RBFOX1: variants seen among roughly 807,000 people sequenced by gnomAD.
RBFOX1 encodes the protein RNA binding fox-1 homolog 1, also known as RNA binding protein fox-1 homolog 1.
RBFOX1 carries 8 observed loss-of-function variants against 57.7 expected under a neutral mutation model. The observed-to-expected ratio is 0.14, with a 90% CI of 0.08 to 0.25. The LOEUF (loss-of-function observed/expected upper bound fraction) is 0.25. Among genes scored for constraint, RBFOX1 ranks in the 10% least tolerant of loss-of-function variants. The probability of loss-of-function intolerance (pLI) is 1.00; values close to 1 mark genes in which losing one functional copy is unlikely to be tolerated. For synonymous variants in RBFOX1, 326 were observed against 222.4 expected (o/e 1.47, Z -4.15); for missense variants, 611 against 548.5 (o/e 1.11, Z -1.14).
chr16:7,281,817 T>C (rs2095549334), intron 4 of RBFOX1, among the ~76,000 whole-genome samples: 1 of 152,130 alleles, frequency 6.6e-6, no homozygotes, highest in African/African-American at 2.4e-5. Context: ...TAATCTTTCT[T>C]TCTCTCTTTT....
chr16:7,003,015 CT>C (rs201463368), intron 3 of RBFOX1, among the ~76,000 whole-genome samples: 3 of 146,600 alleles, frequency 2.0e-5, no homozygotes, highest in Non-Finnish European at 3.0e-5. Context: ...TCTTGGTGGT[CT>C]TTTTTTTTCT....
chr16:5,542,362 C>T (rs1328523114), intron 2 of RBFOX1, among the ~76,000 whole-genome samples: 5 of 151,252 alleles, frequency 3.3e-5, no homozygotes, highest in African/African-American at 4.9e-5. Flanking sequence ...AATTCTCCTA[C>T]CTCAGCCTCC....
intron 4 of RBFOX1, among the ~76,000 whole-genome samples, chr16:7,246,751 A>G (rs1363846737): frequency 2.6e-5 from 4 of 151,338 alleles, no homozygotes; most frequent in African/African-American, 9.7e-5. Context: ...ATCAGCACCA[A>G]GGACAGCGCC....
intron 3 of RBFOX1, among the ~76,000 whole-genome samples, chr16:6,710,832 A>G (rs1240275825): frequency 6.6e-6 from 1 of 152,238 alleles, no homozygotes; most frequent in Non-Finnish European, 1.5e-5. Flanking sequence ...TAACTGTAGC[A>G]AAAACAAATT....
intron 4 of RBFOX1, among the ~76,000 whole-genome samples, chr16:7,453,802 C>T (rs985543560): frequency 2.0e-5 from 3 of 152,162 alleles, no homozygotes; most frequent in African/African-American, 4.8e-5. Flanking sequence ...GATTATGAAG[C>T]ACGGAGGAGC....
chr16:6,030,339 G>C lies in RBFOX1; in HGVS notation c.-127+10347G>C, dbSNP rs975656598. ...GTATTTATGTACCAGACACTTCTAA[G>C]TGGAATACCTGTCCATGTTCCCTTT... On this transcript the variant is annotated intron_variant, in intron 1 of 15. Transcript: ENST00000550418. 3.9e-5 allele frequency among the ~76,000 whole-genome samples: 6 copies of C among 152,278 alleles called. No homozygotes were observed. In the East Asian group the frequency reaches 1.2e-3, roughly 29 times the overall value.
intron 4 of RBFOX1, among the ~76,000 whole-genome samples, chr16:7,067,096 C>G (rs952101296): frequency 6.6e-6 from 1 of 152,162 alleles, no homozygotes; most frequent in Non-Finnish European, 1.5e-5. Flanking sequence ...CCAGGCATAT[C>G]TGAAGGGGAA....
chr16:5,406,499 T>G (rs1025585334), intron 1 of RBFOX1, among the ~76,000 whole-genome samples: 2 of 152,180 alleles, frequency 1.3e-5, no homozygotes, highest in Non-Finnish European at 2.9e-5. Context: ...ATTGTGGAAC[T>G]TCTTAATCTC....
chr16:7,698,078 C>T (rs571371857), intron 14 of RBFOX1, among the ~76,000 whole-genome samples: 8 of 152,134 alleles, frequency 5.3e-5, no homozygotes, highest in South Asian at 2.1e-4. Context: ...ATTCACCAGA[C>T]GTCTTTTTGC....
At chr16:7,101,112 C>T (rs953342364) in intron 4 of RBFOX1, among the ~76,000 whole-genome samples, 1 of 152,154 alleles carries the variant, frequency 6.6e-6, no homozygotes, top group South Asian at 2.1e-4. Context: ...TGCTATGGTA[C>T]TTTTAAGGCA....
intron 4 of RBFOX1, among the ~76,000 whole-genome samples, chr16:7,242,865 T>C (rs146608137): frequency 2.6e-4 from 40 of 152,270 alleles, no homozygotes; most frequent in Non-Finnish European, 4.3e-4. Context: ...GAGAGAGATA[T>C]GGAGTCTGCG....
In RBFOX1 at chr16:7,426,856, G is replaced by C. The variant is rs538841750; in HGVS notation, c.28-91291G>C. On this transcript the variant is annotated intron_variant, in intron 4 of 15. Coordinates refer to ENST00000550418, the MANE Select transcript of RBFOX1 (RefSeq NM_018723.4). ...CAGGTCCTTGGTTATCATACATGAG[G>C]GTGCATCAGCATTCCTGCACGGCTT... Among the ~76,000 whole-genome samples, 141 of 152,218 alleles carry C rather than the reference G, an allele frequency of 9.3e-4. 5 individuals are homozygous for C. In the South Asian group the frequency reaches 0.029, roughly 31 times the overall value.
At position 7,521,961 on chromosome 16, in the gene RBFOX1, A is replaced by G. The variant is rs192241549; in HGVS notation, c.270+3572A>G. 7.2e-4 allele frequency among the ~76,000 whole-genome samples: 109 copies of G among 152,142 alleles called. 1 individual carries two copies. Among genetic ancestry groups the G allele is most frequent in the African/African-American group, 2.6e-3 (107 of 41,516 alleles). ...TGTCCTGCAAGTTCAGGCTCCAGTC[A>G]CCACCTGTGAAAAGCTCTTGGATTC... On this transcript the variant is annotated intron_variant, in intron 5 of 15. Transcript: ENST00000550418.
chr16:5,661,380 A>G (rs904919259), intron 3 of RBFOX1, among the ~76,000 whole-genome samples: 4 of 152,200 alleles, frequency 2.6e-5, no homozygotes, highest in African/African-American at 9.6e-5. Context: ...TGGTGTGTAT[A>G]TAAGCCACAG....
chr16:6,687,707 C>G (rs780593488), intron 3 of RBFOX1, among the ~76,000 whole-genome samples: 1 of 152,144 alleles, frequency 6.6e-6, no homozygotes, highest in Admixed American at 6.5e-5. Context: ...TTCAAAGTTG[C>G]AGCGGCCGGG....
intron 4 of RBFOX1, among the ~76,000 whole-genome samples, chr16:5,954,009 C>T (rs916719721): frequency 6.6e-6 from 1 of 152,282 alleles, no homozygotes; most frequent in African/African-American, 2.4e-5. Flanking sequence ...TGGCTTGTCA[C>T]CACTGGGTGG....
Position 7,567,871 on chromosome 16 carries a change from C to T in RBFOX1, c.271-11906C>T, listed in dbSNP as rs111896375. 8.8e-3 allele frequency among the ~76,000 whole-genome samples: 997 copies of T among 113,410 alleles called. 16 individuals are homozygous for T. Among genetic ancestry groups the T allele is most frequent in the African/African-American group, 0.032 (928 of 29,144 alleles). 74.4% of individuals were successfully genotyped at this position (113,410 alleles called of 152,430 possible). A position where few individuals can be genotyped will look rare whatever the true frequency, so the allele number is the denominator to read the frequency against. Reference sequence around the variant, plus strand: ...TATATATATCCATATATATACCTCTCTATATATGCATATGTATACCTATGT... The same window carrying T: ...TATATATATCCATATATATACCTCTTTATATATGCATATGTATACCTATGT... On this transcript the variant is annotated intron_variant, in intron 5 of 15. Coordinates refer to ENST00000550418, the MANE Select transcript of RBFOX1 (RefSeq NM_018723.4).
At chr16:6,836,610 G>T (rs1402006850) in intron 3 of RBFOX1, among the ~76,000 whole-genome samples, 1 of 152,168 alleles carries the variant, frequency 6.6e-6, no homozygotes, top group South Asian at 2.1e-4. Context: ...CTCAAGGGGT[G>T]TATCTTCTGT....
intron 6 of RBFOX1, among the ~76,000 whole-genome samples, chr16:7,584,250 G>A (rs992255840): frequency 6.6e-6 from 1 of 152,064 alleles, no homozygotes; most frequent in Admixed American, 6.6e-5. Context: ...AAAATGCTTG[G>A]TAGGTATTTG....
Sources: gnomAD v4.1 joint callset for allele counts (sites outside exome capture counted in the v4.1 genomes callset) on GRCh38, gnomAD v4.1.1 for gene constraint, MANE v1.5 for transcripts, NCBI Gene and HGNC (gene_info 2026-07-23, HGNC 2026-07-21) for gene names.